PRUNE2: variants seen among roughly 807,000 people sequenced by gnomAD.
The protein encoded by PRUNE2 is prune homolog 2 with BCH domain, also known as protein prune homolog 2.
Under a neutral mutation model 252.0 loss-of-function variants are expected in PRUNE2, and 164 were observed. The ratio of observed to expected loss-of-function variants is 0.65; its 90% CI spans 0.57 to 0.74. The LOEUF is 0.74. Among genes scored for constraint, PRUNE2 ranks in the 30% least tolerant of loss-of-function variants. PRUNE2 has a pLI of 0.00. For missense variants in PRUNE2, 3,495 were observed against 3,711.0 expected, an observed-to-expected ratio of 0.94 and a Z score of 1.51; for synonymous variants, 1,292 against 1,350.2, an observed-to-expected ratio of 0.96 and a Z score of 0.94.
Position 76,854,146 on chromosome 9 carries a change from A to C in PRUNE2, c.99T>G (p.Asp33Glu). The C allele has an allele frequency of 6.2e-7, 1 of 1,603,686 alleles. No individual in the cohort carries two copies. The highest frequency in any genetic ancestry group is 8.5e-7 in the Non-Finnish European group (1 of 1,173,092). Residue 33 changes from aspartate (D) to glutamate (E), a missense_variant, in exon 2 of 19, where the codon GAT (aspartate) becomes GAG (glutamate). By Grantham distance (45) the Asp-to-Glu change is conservative. Transcript: ENST00000376718. ...CATATGTGAAGGTAGAAATGAGAGA[A>C]TCCAAGTCACACGATTTAGGCCCAA... is the stretch of plus-strand genomic sequence containing the variant. ...VVIGPKSCDL[D>E]SLISTFTYAY... is the part of the protein sequence containing the mutation.
At chr9:76,651,745 T>C (rs924880258) in intron 11 of PRUNE2, among the ~76,000 whole-genome samples, 8 of 152,218 alleles carry the variant, frequency 5.3e-5, no homozygotes, top group Non-Finnish European at 1.2e-4. Context: ...TATCTTCTTT[T>C]TTATCATTTC....
At chr9:76,684,609 G>A (rs1407529091) in intron 9 of PRUNE2, among the ~76,000 whole-genome samples, 3 of 152,164 alleles carry the variant, frequency 2.0e-5, no homozygotes. Flanking sequence ...TAAAGCTGAT[G>A]GACTTCTTCA....
intron 16 of PRUNE2, among the ~76,000 whole-genome samples, chr9:76,628,952 C>T (rs996802445): frequency 4.6e-5 from 7 of 151,982 alleles, no homozygotes; most frequent in African/African-American, 1.7e-4. Flanking sequence ...TCAGGTGATC[C>T]TCCCATCTCA....
At position 76,611,690 on chromosome 9, in the gene PRUNE2, C is replaced by T. The variant is rs1468117419; in HGVS notation, c.*2880G>A. The T allele has an allele frequency of 6.6e-6, 1 of 152,586 alleles. No homozygotes were observed. The highest frequency in any genetic ancestry group is 1.5e-5 in the Non-Finnish European group (1 of 68,028). The allele number at this position is 152,586 out of a possible 1,614,324, so 9.5% of individuals were successfully genotyped here. On this transcript the variant is annotated 3_prime_UTR_variant, in exon 19 of 19. Transcript: ENST00000376718. Reference sequence around the variant, plus strand: ...TAACAAAGGCTAGGAGTAGTGACTTCCTCACACACCTCAGAGAATGTCTTA... The same window carrying T: ...TAACAAAGGCTAGGAGTAGTGACTTTCTCACACACCTCAGAGAATGTCTTA...
At chr9:76,703,283 G>T (rs1192987307) in intron 9 of PRUNE2, 54 bp downstream of exon 9, 15 of 1,479,206 alleles carry the variant, frequency 1.0e-5, no homozygotes, top group Non-Finnish European at 1.3e-5. Flanking sequence ...CATTTCCCAG[G>T]TTTCTAAATA....
intron 6 of PRUNE2, among the ~76,000 whole-genome samples, chr9:76,731,190 G>A (rs1190493585): frequency 6.6e-6 from 1 of 151,306 alleles, no homozygotes; most frequent in Non-Finnish European, 1.5e-5. Context: ...TTGCTGCTGT[G>A]GAAATATTCC....
At chr9:76,888,197 G>T (rs988800660) in intron 1 of PRUNE2, among the ~76,000 whole-genome samples, 13 of 152,340 alleles carry the variant, frequency 8.5e-5, no homozygotes, top group African/African-American at 3.1e-4. Context: ...AATAGGGCCG[G>T]TGGGGACAAG....
intron 6 of PRUNE2, among the ~76,000 whole-genome samples, chr9:76,819,053 C>T (rs2057873348): frequency 6.6e-6 from 1 of 152,022 alleles, no homozygotes; most frequent in East Asian, 1.9e-4. Context: ...GAGTTTGAGA[C>T]CAGCCTTGGG....
At chr9:76,797,060 A>C (rs1018814952) in intron 6 of PRUNE2, among the ~76,000 whole-genome samples, 1 of 146,378 alleles carries the variant, frequency 6.8e-6, no homozygotes, top group Non-Finnish European at 1.5e-5. Flanking sequence ...CAAGCATTTA[A>C]CAGTGTTACT....
chr9:76,803,286 T>C (rs1455081402), intron 6 of PRUNE2, among the ~76,000 whole-genome samples: 1 of 152,164 alleles, frequency 6.6e-6, no homozygotes, highest in Non-Finnish European at 1.5e-5. Flanking sequence ...AAGACGCAAA[T>C]ACCTAGCATG....
At chr9:76,829,025 A>AT (rs2058513528) in intron 4 of PRUNE2, among the ~76,000 whole-genome samples, 1 of 151,520 alleles carries the variant, frequency 6.6e-6, no homozygotes, top group Non-Finnish European at 1.5e-5. Flanking sequence ...TCAAAAAAAA[A>AT]AAAAAAAAAA....
At chr9:76,761,496 A>G (rs1272361090) in intron 6 of PRUNE2, among the ~76,000 whole-genome samples, 1 of 152,220 alleles carries the variant, frequency 6.6e-6, no homozygotes, top group African/African-American at 2.4e-5. Context: ...AGTCAATTTA[A>G]TTTGTAAGAA....
intron 6 of PRUNE2, among the ~76,000 whole-genome samples, chr9:76,810,488 TA>T (rs1335995308): frequency 1.3e-5 from 2 of 152,270 alleles, no homozygotes; most frequent in Admixed American, 1.3e-4. Context: ...AAGACAATAA[TA>T]AACAACCAAA....
intron 6 of PRUNE2, chr9:76,808,969 T>C (rs2131693421): frequency 6.6e-6 from 1 of 152,374 alleles, no homozygotes; most frequent in East Asian, 1.9e-4. Context: ...TGCTTTTAAC[T>C]CAACATCAAT....
intron 9 of PRUNE2, among the ~76,000 whole-genome samples, chr9:76,669,902 G>A (rs1314876630): frequency 6.6e-6 from 1 of 152,174 alleles, no homozygotes; most frequent in Non-Finnish European, 1.5e-5. Flanking sequence ...CACCTTTTAA[G>A]AAGCCTTCAG....
At chr9:76,861,168 G>A (rs2060524439) in intron 1 of PRUNE2, among the ~76,000 whole-genome samples, 1 of 152,160 alleles carries the variant, frequency 6.6e-6, no homozygotes, top group South Asian at 2.1e-4. Flanking sequence ...ATGTCCAGAG[G>A]CGAGGCAAAC....
rs770477149 is a variant in PRUNE2, at chr9:76,707,381, A to C, written c.4893T>G (p.Gly1631=). The C allele has an allele frequency of 1.9e-6, 3 of 1,613,898 alleles. No individual in the cohort carries two copies. The highest frequency in any genetic ancestry group is 2.5e-6 in the Non-Finnish European group (3 of 1,179,894). ...FLEIWNDSVD[G]DSFSSLSSPE... Reference sequence around the variant, plus strand: ...GACTGGATAAAGAGGAAAAGGAATCACCATCAACTGAGTCATTCCAGATCT... The same window carrying C: ...GACTGGATAAAGAGGAAAAGGAATCCCCATCAACTGAGTCATTCCAGATCT... The change falls in exon 8 of 19, where the codon GGT becomes GGG. Residue 1631 remains glycine, a synonymous_variant. Transcript: ENST00000376718.
At chr9:76,769,586 C>T (rs906849188) in intron 6 of PRUNE2, among the ~76,000 whole-genome samples, 5 of 152,134 alleles carry the variant, frequency 3.3e-5, no homozygotes, top group South Asian at 4.1e-4. Context: ...CCACCATGTC[C>T]GGCTAATTTT....
chr9:76,871,498 T>A (rs2061196480), intron 1 of PRUNE2, among the ~76,000 whole-genome samples: 1 of 152,246 alleles, frequency 6.6e-6, no homozygotes, highest in South Asian at 2.1e-4. Context: ...CTAACAGCTG[T>A]GTCTAGTGCT....
Sources: gnomAD v4.1 joint callset for allele counts (sites outside exome capture counted in the v4.1 genomes callset) on GRCh38, gnomAD v4.1.1 for gene constraint, MANE v1.5 for transcripts, NCBI Gene and HGNC (gene_info 2026-07-23, HGNC 2026-07-21) for gene names.